The following KLHL7 variants were observed in gnomAD, a reference collection of about 807,000 sequenced individuals.
The protein encoded by KLHL7 is kelch like family member 7.
A neutral mutation model predicts 67.4 loss-of-function variants in KLHL7; 44 were observed. The observed-to-expected ratio is 0.65, with a 90% confidence interval of 0.51 to 0.84. KLHL7 has a LOEUF of 0.84. Among genes scored for constraint, KLHL7 ranks in the 40% least tolerant of loss-of-function variants. The probability of loss-of-function intolerance (pLI) is 0.00; values close to 1 mark genes in which losing one functional copy is unlikely to be tolerated. For missense variants in KLHL7, 362 were observed against 718.1 expected, an observed-to-expected ratio of 0.50 and a Z score of 5.67; for synonymous variants, 252 against 243.3, an observed-to-expected ratio of 1.04 and a Z score of -0.33.
At chr7:23,159,769 AT>A (rs1784808515) in intron 7 of KLHL7, among the ~76,000 whole-genome samples, 1 of 152,124 alleles carries the variant, frequency 6.6e-6, no homozygotes, top group Non-Finnish European at 1.5e-5. Context: ...AGCTCAAGCA[AT>A]CTGCCTGCCT....
chr7:23,137,679 A>G (rs1004112677), intron 4 of KLHL7, among the ~76,000 whole-genome samples: 1 of 151,282 alleles, frequency 6.6e-6, no homozygotes, highest in South Asian at 2.1e-4. Context: ...GGGTTTCACC[A>G]TGTTGGCCAG....
Position 23,140,638 on chromosome 7 carries a change from A to T in KLHL7, c.443-131A>T, listed in dbSNP as rs765816939. On this transcript the variant is annotated intron_variant, in intron 4 of 10. Coordinates refer to ENST00000339077, the MANE Select transcript of KLHL7 (RefSeq NM_001031710.3). ...TATTGGCACAAGAATAGACAAATCA[A>T]TGAAACAGAAACGGATCCAGATTTA... 5.2e-6 allele frequency: 4 copies of T among 775,596 alleles called. No homozygotes were observed. In the South Asian group the frequency reaches 5.8e-5, roughly 11 times the overall value. The allele number at this position is 775,596 out of a possible 1,614,324, so 48.0% of individuals were successfully genotyped here.
At chr7:23,107,828 A>G (rs1347267111) in intron 1 of KLHL7, among the ~76,000 whole-genome samples, 5 of 152,206 alleles carry the variant, frequency 3.3e-5, no homozygotes, top group Non-Finnish European at 7.3e-5. Flanking sequence ...CTCCAATAGC[A>G]CTTTTATCAA....
intron 4 of KLHL7, among the ~76,000 whole-genome samples, chr7:23,138,857 C>CTT (rs1471174946): frequency 2.6e-5 from 4 of 152,164 alleles, no homozygotes; most frequent in South Asian, 4.1e-4. Flanking sequence ...GTGCTCCAGG[C>CTT]TTGAAGGCTT....
Position 23,177,383 on chromosome 7 carries a change from A to C in KLHL7, c.*3085A>C, listed in dbSNP as rs1785313942. 1 of 152,230 alleles carries C rather than the reference A, an allele frequency of 6.6e-6. No homozygotes were observed. The highest frequency in any genetic ancestry group is 1.5e-5 in the Non-Finnish European group (1 of 68,034). The allele number at this position is 152,230 out of a possible 1,614,324, so 9.4% of individuals were successfully genotyped here. On this transcript the variant is annotated 3_prime_UTR_variant, in exon 11 of 11. Transcript: ENST00000339077. ...CCAGCATTTCCTTTTAGGCTATGTC[A>C]ATTGACTAGAACACACTATAGTAAA...
chr7:23,141,040 AT>A, intron 5 of KLHL7, 96 bp downstream of exon 5: 1 of 1,049,394 alleles, frequency 9.5e-7, no homozygotes, highest in Non-Finnish European at 1.5e-6. Context: ...AAAGAGTCAT[AT>A]TAGGAAAGAA....
intron 4 of KLHL7, chr7:23,125,681 T>C: frequency 7.1e-7 from 1 of 1,402,578 alleles, no homozygotes; most frequent in Non-Finnish European, 9.4e-7. Context: ...ATAACCTTAG[T>C]CTATAAATTA....
intron 7 of KLHL7, among the ~76,000 whole-genome samples, chr7:23,161,493 T>G (rs976296863): frequency 2.0e-5 from 3 of 152,222 alleles, no homozygotes. Flanking sequence ...ACTGTCCAGT[T>G]TTTTCTTTAG....
intron 7 of KLHL7, chr7:23,155,961 T>A (rs1480681597): frequency 2.2e-6 from 1 of 461,660 alleles, no homozygotes; most frequent in Admixed American, 2.5e-5. Context: ...GTAGTTCTAA[T>A]TCTTTCCTTG....
intron 1 of KLHL7, among the ~76,000 whole-genome samples, chr7:23,107,885 C>G (rs1417308390): frequency 6.6e-6 from 1 of 152,168 alleles, no homozygotes; most frequent in Non-Finnish European, 1.5e-5. Context: ...TTTCACTTCG[C>G]AATTGATTTA....
At chr7:23,106,754 G>T (rs1417208123) in intron 1 of KLHL7, 31 of 986,402 alleles carry the variant, frequency 3.1e-5, no homozygotes, top group Non-Finnish European at 3.7e-5. Context: ...TGTCCTTGGT[G>T]TGTGGTGCAT....
intron 9 of KLHL7, chr7:23,172,132 T>A: frequency 6.6e-6 from 3 of 456,374 alleles, no homozygotes; most frequent in South Asian, 4.6e-5. Flanking sequence ...AGTTAGCTGC[T>A]GAAAGCACAA....
chr7:23,165,433 G>T (rs987016944), intron 7 of KLHL7, among the ~76,000 whole-genome samples: 4 of 152,092 alleles, frequency 2.6e-5, no homozygotes, highest in Admixed American at 1.3e-4. Flanking sequence ...GGTGGTGATG[G>T]TATATCCAAA....
chr7:23,110,383 C>T (rs543198291), intron 1 of KLHL7, among the ~76,000 whole-genome samples: 3 of 152,304 alleles, frequency 2.0e-5, no homozygotes, highest in African/African-American at 7.2e-5. Flanking sequence ...GGATGCTGGG[C>T]TTCTCAGAAG....
chr7:23,162,848 T>C (rs910526663), intron 7 of KLHL7, among the ~76,000 whole-genome samples: 1 of 152,242 alleles, frequency 6.6e-6, no homozygotes, highest in African/African-American at 2.4e-5. Context: ...ATTGATTCCC[T>C]GTGGTTTCTC....
At chr7:23,129,980 AATTAT>A (rs1194961042) in intron 4 of KLHL7, 2 of 152,262 alleles carry the variant, frequency 1.3e-5, no homozygotes. Flanking sequence ...GTTCTTTGAA[AATTAT>A]ATTATTTCTA....
At chr7:23,115,624 A>T (rs1213630254) in intron 1 of KLHL7, among the ~76,000 whole-genome samples, 3 of 151,614 alleles carry the variant, frequency 2.0e-5, no homozygotes, top group African/African-American at 7.3e-5. Flanking sequence ...GCTCCCTGCA[A>T]CCTCTGCCTC....
chr7:23,154,402 G>T (rs188686342), intron 7 of KLHL7, among the ~76,000 whole-genome samples: 1 of 151,980 alleles, frequency 6.6e-6, no homozygotes, highest in East Asian at 1.9e-4. Flanking sequence ...ACCAGCTAAG[G>T]GGGTGGATTT....
chr7:23,165,805 A>T lies in KLHL7; in HGVS notation c.1044A>T (p.Pro348=). Residue 348 remains proline (P), a synonymous_variant, in exon 8 of 11, where the codon CCA becomes CCT. Transcript: ENST00000339077. ...VYILGGSQLF[P]IKRMDCYNVV... ...TTTTGGGAGGCTCTCAGCTTTTCCC[A>T]ATAAAGCGAATGGACTGCTATAATG... The T allele has an allele frequency of 6.2e-7, 1 of 1,614,176 alleles. No individual in the cohort carries two copies.
Sources: allele counts gnomAD v4.1 joint callset (sites outside exome capture counted in the v4.1 genomes callset), GRCh38; gene constraint gnomAD v4.1.1; transcripts MANE v1.5; gene names NCBI Gene and HGNC (gene_info 2026-07-23, HGNC 2026-07-21).